HTR1E: variants seen among roughly 807,000 people sequenced by gnomAD.
HTR1E encodes the protein 5-hydroxytryptamine receptor 1E, also known as 5-HT-1E.
HTR1E carries 3 observed loss-of-function variants against 3.4 expected under a neutral mutation model. The observed-to-expected ratio is 0.89, with a 90% CI of 0.41 to 2.31. HTR1E has a LOEUF of 2.31. Among genes scored for constraint, HTR1E ranks in the 30% most tolerant of loss-of-function variants. The pLI is 0.05. For missense variants in HTR1E, 392 were observed against 467.0 expected (o/e 0.84, Z 1.48); for synonymous variants, 170 against 182.8 (o/e 0.93, Z 0.56).
intron 1 of HTR1E, among the ~76,000 whole-genome samples, chr6:86,985,817 G>T (rs1252369585): frequency 1.3e-5 from 2 of 152,148 alleles, no homozygotes; most frequent in Admixed American, 1.3e-4. Flanking sequence ...TTCAATGTGT[G>T]CATCAACTTG....
At chr6:87,010,440 C>T (rs574926731) in intron 1 of HTR1E, among the ~76,000 whole-genome samples, 106 of 149,626 alleles carry the variant, frequency 7.1e-4, no homozygotes, top group African/African-American at 2.2e-3. Context: ...TAGGGGCGAC[C>T]GGGCAGAGAC....
intron 1 of HTR1E, among the ~76,000 whole-genome samples, chr6:86,992,554 G>A (rs1767883311): frequency 6.6e-6 from 1 of 152,088 alleles, no homozygotes; most frequent in Non-Finnish European, 1.5e-5. Flanking sequence ...TAAAAGGGAT[G>A]GACTAAACAT....
rs951905935 is a variant in HTR1E, at chr6:86,987,952, T to A, written c.-185-27198T>A. 2.0e-5 allele frequency among the ~76,000 whole-genome samples: 3 copies of A among 152,194 alleles called. No homozygotes were observed. The South Asian group carries it at 6.2e-4, about 32-fold the overall frequency. On this transcript the variant is annotated intron_variant, in intron 1 of 1. Coordinates refer to ENST00000305344, the MANE Select transcript of HTR1E (RefSeq NM_000865.3). ...TACTAACACATTGGCAACACCTGAC[T>A]TTCGGAGAGGACATAGTTAAACCAT...
rs1434740228 is a variant in HTR1E at position 87,010,328 on chromosome 6, C to T, written c.-185-4822C>T. Among the ~76,000 whole-genome samples, 2 of 119,564 alleles carry T rather than the reference C, an allele frequency of 1.7e-5. 1 individual carries two copies. The highest frequency in any genetic ancestry group is 3.4e-5 in the Non-Finnish European group (2 of 59,532). The allele number at this position is 119,564 out of a possible 152,430, so 78.4% of individuals were successfully genotyped here. A position where few individuals can be genotyped will look rare whatever the true frequency, so the allele number is the denominator to read the frequency against. ...CGGGCGGGGGGGCTGACCCCCCCCA[C>T]CTCCCTCCCGGACGGGGCGGCTGGC... On this transcript the variant is annotated intron_variant, in intron 1 of 1. Coordinates refer to ENST00000305344, the MANE Select transcript of HTR1E (RefSeq NM_000865.3).
chr6:87,015,866 G>A lies in HTR1E; in HGVS notation c.532G>A (p.Asp178Asn), dbSNP rs750573948. ...CCCTAGTCAGTGCACCATCCAGCAC[G>A]ACCATGTTATCTACACCATTTACTC... is the stretch of plus-strand genomic sequence containing the variant. ...PPPSQCTIQH[D>N]HVIYTIYSTL... is the part of the protein sequence containing the mutation. Residue 178 changes from aspartate (D) to asparagine (N), a missense_variant, in exon 2 of 2, where the codon GAC becomes AAC. By Grantham distance (23) the Asp-to-Asn change is conservative. Around this residue, in one of 3 missense-constraint regions of HTR1E, gnomAD observed 189 missense variants for 258.0 expected, o/e 0.73. Transcript: ENST00000305344. 3.1e-6 allele frequency: 5 copies of A among 1,612,658 alleles called. No individual in the cohort carries two copies. The highest frequency in any genetic ancestry group is 4.2e-6 in the Non-Finnish European group (5 of 1,179,482).
At chr6:86,980,802 T>A (rs1767701454) in intron 1 of HTR1E, among the ~76,000 whole-genome samples, 1 of 152,244 alleles carries the variant, frequency 6.6e-6, no homozygotes, top group Admixed American at 6.5e-5. Context: ...ATTGTTTTGA[T>A]TCCATCTCCA....
At chr6:86,967,008 G>A (rs938091685) in intron 1 of HTR1E, among the ~76,000 whole-genome samples, 2 of 152,088 alleles carry the variant, frequency 1.3e-5, no homozygotes, top group Non-Finnish European at 2.9e-5. Flanking sequence ...TGAATTGAAG[G>A]GGACCTCGGG....
intron 1 of HTR1E, among the ~76,000 whole-genome samples, chr6:86,940,413 G>A (rs971455984): frequency 2.6e-5 from 4 of 152,190 alleles, no homozygotes; most frequent in Admixed American, 1.3e-4. Flanking sequence ...GTGTGTACCT[G>A]TAGTCCCAGC....
At chr6:87,010,443 G>A (rs1449546592) in intron 1 of HTR1E, among the ~76,000 whole-genome samples, 1 of 151,330 alleles carries the variant, frequency 6.6e-6, no homozygotes, top group African/African-American at 2.4e-5. Context: ...GGGCGACCGG[G>A]CAGAGACGCT....
intron 1 of HTR1E, among the ~76,000 whole-genome samples, chr6:86,949,677 A>T (rs2127817387): frequency 6.6e-6 from 1 of 152,210 alleles, no homozygotes; most frequent in East Asian, 1.9e-4. Flanking sequence ...GGTTATCACA[A>T]CTTGTAACTA....
At chr6:86,970,840 A>G in intron 1 of HTR1E, 1 of 240,220 alleles carries the variant, frequency 4.2e-6, no homozygotes, top group Non-Finnish European at 8.2e-6. Flanking sequence ...ACAAGCCTTC[A>G]GTTAACATAC....
Position 87,016,178 on chromosome 6 carries a change from T to C in HTR1E, c.844T>C (p.Ser282Pro), listed in dbSNP as rs747691037. The C allele has an allele frequency of 6.2e-7, 1 of 1,614,050 alleles. No homozygotes were observed. Among genetic ancestry groups the C allele is most frequent in the Non-Finnish European group, 8.5e-7 (1 of 1,180,036 alleles). The change falls in exon 2 of 2, where the codon TCT becomes CCT. Residue 282 changes from serine (S) to proline (P), a missense_variant. Transcript: ENST00000305344. ...TCACCCAGGAGAACGTCAGCAGATC[T>C]CTAGCACCAGGGAACGGAAGGCAGC... is the stretch of plus-strand genomic sequence containing the variant. The part of the protein sequence containing the change: ...LDHPGERQQI[S>P]STRERKAARI...
At chr6:86,982,455 C>T (rs770711911) in intron 1 of HTR1E, among the ~76,000 whole-genome samples, 18 of 152,066 alleles carry the variant, frequency 1.2e-4, no homozygotes, top group South Asian at 2.1e-4. Context: ...TGCTCTCAGG[C>T]GATACACCTG....
At chr6:87,007,871 T>C (rs1222590405) in intron 1 of HTR1E, among the ~76,000 whole-genome samples, 30 of 151,832 alleles carry the variant, frequency 2.0e-4, no homozygotes, top group Admixed American at 2.0e-3. Flanking sequence ...AAGGCGGAGG[T>C]TGCAGTGAGC....
At chr6:86,999,767 G>T (rs114075512) in intron 1 of HTR1E, among the ~76,000 whole-genome samples, 161 of 152,222 alleles carry the variant, frequency 1.1e-3, no homozygotes, top group African/African-American at 3.6e-3. Flanking sequence ...GCTTGAGAAA[G>T]TTCAGCATCC....
intron 1 of HTR1E, among the ~76,000 whole-genome samples, chr6:86,981,533 G>A (rs1353776244): frequency 1.3e-5 from 2 of 152,174 alleles, no homozygotes; most frequent in African/African-American, 4.8e-5. Flanking sequence ...TGTAATTCAG[G>A]TCCACTGGAG....
Position 87,015,955 on chromosome 6 carries a change from C to G in HTR1E, c.621C>G (p.His207Gln). The change falls in exon 2 of 2, where the codon CAC becomes CAG. Residue 207 changes from histidine (H) to glutamine (Q), a missense_variant. Around this residue, in one of 3 missense-constraint regions of HTR1E, gnomAD observed 178 missense variants for 164.9 expected, o/e 1.08. Coordinates refer to ENST00000305344, the MANE Select transcript of HTR1E (RefSeq NM_000865.3). ...LILILYYRIY[H>Q]AAKSLYQKRG... ...TGATTCTCTATTACCGGATTTACCA[C>G]GCGGCCAAGAGCCTTTACCAGAAAA... is the stretch of plus-strand genomic sequence containing the variant. 6.2e-7 allele frequency: 1 copy of G among 1,614,156 alleles called. No homozygotes were observed. The highest frequency in any genetic ancestry group is 8.5e-7 in the Non-Finnish European group (1 of 1,180,016).
chr6:86,939,034 G>A (rs1332864146), intron 1 of HTR1E, among the ~76,000 whole-genome samples: 1 of 152,190 alleles, frequency 6.6e-6, no homozygotes, highest in Non-Finnish European at 1.5e-5. Context: ...CCTTCATGAG[G>A]AGCATATGTG....
In HTR1E at chr6:86,958,937, CGTGTGTGTGTGTGTGTGTGT is replaced by C. The variant is rs55871033; in HGVS notation, c.-186+21141_-186+21160del. ...CTCCAGAGAAACAGAACCAATTGCA[CGTGTGTGTGTGTGTGTGTGT>C]GTGTGTGTGTGTGTGTGTGTGTGTG... is the stretch of plus-strand genomic sequence containing the variant. On this transcript the variant is annotated intron_variant, in intron 1 of 1. Coordinates refer to ENST00000305344, the MANE Select transcript of HTR1E (RefSeq NM_000865.3). Among the ~76,000 whole-genome samples, 427 of 140,078 alleles carry C rather than the reference CGTGTGTGTGTGTGTGTGTGT, an allele frequency of 3.0e-3. 6 individuals carry two copies. Among genetic ancestry groups the C allele is most frequent in the African/African-American group, 9.0e-3 (342 of 37,878 alleles). The allele number at this position is 140,078 out of a possible 152,430, so 91.9% of individuals were successfully genotyped here. A position where few individuals can be genotyped will look rare whatever the true frequency, so the allele number is the denominator to read the frequency against.
Sources: gnomAD v4.1 joint callset for allele counts (sites outside exome capture counted in the v4.1 genomes callset) on GRCh38, gnomAD v4.1.1 for gene constraint, gnomAD v4.1.1 regional missense constraint, MANE v1.5 for transcripts, NCBI Gene and HGNC (gene_info 2026-07-23, HGNC 2026-07-21) for gene names.